ADAMTS14: variants seen among roughly 807,000 people sequenced by gnomAD.
ADAMTS14 encodes the protein A disintegrin and metalloproteinase with thrombospondin motifs 14.
In ADAMTS14, 100 loss-of-function variants were observed where a neutral mutation model predicts 128.6. The observed-to-expected ratio is 0.78, with a 90% confidence interval of 0.66 to 0.92. ADAMTS14 has a LOEUF of 0.92. ADAMTS14 is among the 40% of genes least tolerant of loss of function. The probability of loss-of-function intolerance (pLI) is 0.00; values close to 1 mark genes in which losing one functional copy is unlikely to be tolerated. For synonymous variants in ADAMTS14, 665 were observed against 653.8 expected (o/e 1.02, Z -0.26); for missense variants, 1,562 against 1,658.6 (o/e 0.94, Z 1.01).
At chr10:70,684,846 G>A (rs757972242) in intron 2 of ADAMTS14, among the ~76,000 whole-genome samples, 28 of 104,056 alleles carry the variant, frequency 2.7e-4, no homozygotes, top group Non-Finnish European at 2.3e-4. Context: ...CCGGGCCTGG[G>A]TCCTGGGTCC....
intron 2 of ADAMTS14, among the ~76,000 whole-genome samples, chr10:70,690,752 C>G (rs1840160611): frequency 6.9e-6 from 1 of 145,206 alleles, no homozygotes; most frequent in Admixed American, 6.8e-5. Flanking sequence ...GTGCTGCTCA[C>G]TGTCAGCTGG....
chr10:70,697,752 T>C (rs1840373692), intron 2 of ADAMTS14, among the ~76,000 whole-genome samples: 1 of 143,286 alleles, frequency 7.0e-6, no homozygotes, highest in Admixed American at 6.9e-5. Context: ...CATGTCTTCT[T>C]TGGGTGTCCT....
At chr10:70,729,220 C>T in intron 4 of ADAMTS14, 74 bp from the exon 5 acceptor site, 1 of 1,277,810 alleles carries the variant, frequency 7.8e-7, no homozygotes, top group African/African-American at 1.5e-5. Flanking sequence ...TGTTAGGTAC[C>T]TACCCCAGTA....
rs149936974 is a variant in ADAMTS14, at chr10:70,695,893, C to T, written c.523-6419C>T. 1.8e-3 allele frequency among the ~76,000 whole-genome samples: 277 copies of T among 152,346 alleles called. 2 individuals carry two copies. Among genetic ancestry groups the T allele is most frequent in the African/African-American group, 6.1e-3 (253 of 41,578 alleles). Reference sequence around the variant, plus strand: ...CAGGGAGAGCTGATGATGGGAGGAGCTGTGTGAGACCAGGACAAAGAAGTG... The same window carrying T: ...CAGGGAGAGCTGATGATGGGAGGAGTTGTGTGAGACCAGGACAAAGAAGTG... On this transcript the variant is annotated intron_variant, in intron 2 of 21. Coordinates refer to ENST00000373207, the MANE Select transcript of ADAMTS14 (RefSeq NM_080722.4).
intron 3 of ADAMTS14, among the ~76,000 whole-genome samples, chr10:70,704,992 AC>A (rs765680779): frequency 5.3e-5 from 8 of 151,010 alleles, no homozygotes; most frequent in African/African-American, 1.5e-4. Context: ...ACACACTGAC[AC>A]CCCCTACATA....
intron 4 of ADAMTS14, among the ~76,000 whole-genome samples, chr10:70,726,474 C>T (rs1841430164): frequency 6.6e-6 from 1 of 152,232 alleles, no homozygotes; most frequent in Non-Finnish European, 1.5e-5. Flanking sequence ...CTCCTTTCTT[C>T]TCCTGCCCCC....
chr10:70,705,682 A>G (rs1840643905), intron 3 of ADAMTS14, among the ~76,000 whole-genome samples: 1 of 152,212 alleles, frequency 6.6e-6, no homozygotes, highest in African/African-American at 2.4e-5. Flanking sequence ...CGTTTCATGG[A>G]ATGAAATCAT....
intron 3 of ADAMTS14, among the ~76,000 whole-genome samples, chr10:70,706,365 A>G (rs983092554): frequency 6.6e-6 from 1 of 152,118 alleles, no homozygotes; most frequent in African/African-American, 2.4e-5. Flanking sequence ...CCTGGCAGGG[A>G]GGGCTCTGAG....
At chr10:70,673,439 A>G (rs1304855602) in intron 1 of ADAMTS14, among the ~76,000 whole-genome samples, 2 of 143,634 alleles carry the variant, frequency 1.4e-5, no homozygotes, top group Non-Finnish European at 3.2e-5. Context: ...TCTCTTGCAT[A>G]CAGACCAGAT....
chr10:70,747,834 C>T (rs35604692), intron 15 of ADAMTS14, among the ~76,000 whole-genome samples: 3,805 of 152,234 alleles, frequency 0.025, 81 homozygotes, highest in Non-Finnish European at 0.042. Context: ...GTGTGAGGTG[C>T]ACAGTGGCCT....
At chr10:70,708,914 T>A (rs557765376) in intron 4 of ADAMTS14, 136 bp downstream of exon 4, 1 of 678,812 alleles carries the variant, frequency 1.5e-6, no homozygotes. Flanking sequence ...GGGAAGTCAT[T>A]GCTTGCTCCT....
intron 19 of ADAMTS14, among the ~76,000 whole-genome samples, 181 bp downstream of exon 19, chr10:70,754,188 A>G (rs1398178282): frequency 3.3e-5 from 5 of 152,222 alleles, no homozygotes; most frequent in Non-Finnish European, 7.3e-5. Context: ...CTAGGCCTTT[A>G]GGTTCATTCA....
Position 70,689,094 on chromosome 10 carries a change from C to T in ADAMTS14, c.523-13218C>T, listed in dbSNP as rs1377270381. ...AGAGGCCTGTGTTCCACAGCCTGGCCGACTGCTGGCCTGGGTGCATCGTGC... is the reference window on the plus strand; with the variant it reads ...AGAGGCCTGTGTTCCACAGCCTGGCTGACTGCTGGCCTGGGTGCATCGTGC... On this transcript the variant is annotated intron_variant, in intron 2 of 21. Coordinates refer to ENST00000373207, the MANE Select transcript of ADAMTS14 (RefSeq NM_080722.4). Among the ~76,000 whole-genome samples the T allele has an allele frequency of 5.6e-5, 7 of 124,782 alleles. 1 individual carries two copies. The highest frequency in any genetic ancestry group is 1.4e-4 in the Non-Finnish European group (7 of 51,422). 81.9% of individuals were successfully genotyped at this position (124,782 alleles called of 152,430 possible).
chr10:70,741,145 C>T lies in ADAMTS14; in HGVS notation c.1907C>T (p.Pro636Leu), dbSNP rs1019451036. 1 of 1,613,094 alleles carries T rather than the reference C, an allele frequency of 6.2e-7. No homozygotes were observed. The change falls in exon 12 of 22, where the codon CCC (proline) becomes CTC (leucine). Residue 636 changes from proline to leucine, a missense_variant. Physicochemically the swap from Pro to Leu is moderately conservative, Grantham distance 98 (BLOSUM62 -3). Transcript: ENST00000373207. ...VHQNAKHSWV[P>L]YEPDDDAQKC... The stretch of plus-strand genomic sequence containing the variant: ...CAGAATGCCAAGCACAGCTGGGTGC[C>T]CTACGAGCCTGACGATGGTGAGTGG...
intron 3 of ADAMTS14, among the ~76,000 whole-genome samples, chr10:70,707,383 T>A (rs1326418982): frequency 6.6e-6 from 1 of 152,114 alleles, no homozygotes; most frequent in East Asian, 1.9e-4. Flanking sequence ...TTCTTAGAAA[T>A]TAATGGTATG....
intron 2 of ADAMTS14, among the ~76,000 whole-genome samples, chr10:70,677,477 G>A (rs1262368282): frequency 6.6e-6 from 1 of 152,150 alleles, no homozygotes; most frequent in Non-Finnish European, 1.5e-5. Context: ...TGCTGAAGCC[G>A]GATCGGGTCT....
Position 70,743,622 on chromosome 10 carries a change from G to C in ADAMTS14, c.1999G>C (p.Asp667His). The change falls in exon 13 of 22, where the codon GAT becomes CAT. Residue 667 changes from aspartate (D) to histidine (H), a missense_variant. Transcript: ENST00000373207. ...DVVFMNQVVH[D>H]GTRCSYRDPY... ...GGTGTTCATGAACCAGGTGGTTCAC[G>C]ATGGGACACGCTGCAGCTACCGGGA... is the stretch of plus-strand genomic sequence containing the variant. 6.2e-7 allele frequency: 1 copy of C among 1,612,514 alleles called. No homozygotes were observed. Among genetic ancestry groups the C allele is most frequent in the Admixed American group, 1.7e-5 (1 of 59,536 alleles).
chr10:70,697,494 A>G (rs11599210), intron 2 of ADAMTS14, among the ~76,000 whole-genome samples: 64,613 of 152,180 alleles, frequency 0.42, 14,851 homozygotes, highest in Non-Finnish European at 0.52. Context: ...TGTTGGCTCC[A>G]GGTACCCTTG....
At chr10:70,725,937 G>T (rs1339985755) in intron 4 of ADAMTS14, among the ~76,000 whole-genome samples, 4 of 151,906 alleles carry the variant, frequency 2.6e-5, no homozygotes, top group African/African-American at 4.8e-5. Flanking sequence ...CTGCCCAGAC[G>T]CTGTTTCCCT....
Sources: allele counts gnomAD v4.1 joint callset (sites outside exome capture counted in the v4.1 genomes callset), GRCh38; gene constraint gnomAD v4.1.1; transcripts MANE v1.5; gene names NCBI Gene and HGNC (gene_info 2026-07-23, HGNC 2026-07-21).